The following SLC44A4 variants were observed in gnomAD, a reference collection of about 807,000 sequenced individuals.
SLC44A4 encodes the protein solute carrier family 44 member 4.
In SLC44A4, 74 loss-of-function variants were observed where a neutral mutation model predicts 97.0. That is an observed-to-expected ratio of 0.76 (90% confidence interval 0.63 to 0.93). The LOEUF is 0.93. Among genes scored for constraint, SLC44A4 ranks in the 40% least tolerant of loss-of-function variants. SLC44A4 has a pLI of 0.00. For missense variants in SLC44A4, 799 were observed against 902.9 expected (o/e 0.88, Z 1.48); for synonymous variants, 325 against 363.8 (o/e 0.89, Z 1.21).
At chr6:31,867,385 G>A (rs74290525) in intron 13 of SLC44A4, among the ~76,000 whole-genome samples, 5,176 of 151,820 alleles carry the variant, frequency 0.034, 251 homozygotes, top group Admixed American at 0.13. Context: ...GAGCCACTGC[G>A]CGCGGCCTTC....
chr6:31,871,959 A>G (rs1322608393), intron 7 of SLC44A4, among the ~76,000 whole-genome samples: 1 of 152,074 alleles, frequency 6.6e-6, no homozygotes, highest in Non-Finnish European at 1.5e-5. Flanking sequence ...CTCCCTGGCC[A>G]GGCTTCCAGG....
At chr6:31,868,220 C>A (rs1468936181) in intron 13 of SLC44A4, among the ~76,000 whole-genome samples, 3 of 152,200 alleles carry the variant, frequency 2.0e-5, no homozygotes, top group African/African-American at 7.2e-5. Context: ...AGTAAATTCC[C>A]AGCAGCCCAG....
intron 13 of SLC44A4, among the ~76,000 whole-genome samples, chr6:31,866,841 C>T (rs1762896880): frequency 6.6e-6 from 1 of 151,282 alleles, no homozygotes; most frequent in African/African-American, 2.4e-5. Flanking sequence ...TTGCAGTGGG[C>T]CGAGATCGCG....
Position 31,864,574 on chromosome 6 carries a change from A to C in SLC44A4, c.2011+78T>G, listed in dbSNP as rs550015587. The C allele has an allele frequency of 5.7e-5, 77 of 1,361,758 alleles. No homozygotes were observed. The South Asian group carries it at 8.6e-4, about 15-fold the overall frequency. The allele number at this position is 1,361,758 out of a possible 1,614,324, so 84.4% of individuals were successfully genotyped here. ...AAGGCATTGTTTCTAGAAGCACCAA[A>C]TCTCCAAAAAAAAAAAAAAATGCTT... On this transcript the variant is annotated intron_variant, in intron 20 of 20. Transcript: ENST00000229729.
At position 31,876,143 on chromosome 6, in the gene SLC44A4, G is replaced by C. The variant is rs374558664; in HGVS notation, c.90-14C>G. On this transcript the variant is annotated splice_polypyrimidine_tract_variant and intron_variant, in intron 2 of 20. Coordinates refer to ENST00000229729, the MANE Select transcript of SLC44A4 (RefSeq NM_025257.3). This position sits in a 1 kb window ranked among gnomAD's most constrained non-coding sequence, Gnocchi z 4.8. ...TCTGTGCAGCTTCTGAGAGAGAAAC[G>C]AAACGGGAGGCTGAGCTAAGGAGAC... The C allele has an allele frequency of 6.2e-7, 1 of 1,608,358 alleles. No individual in the cohort carries two copies. The highest frequency in any genetic ancestry group is 8.5e-7 in the Non-Finnish European group (1 of 1,176,216).
Position 31,863,713 on chromosome 6 carries a change from G to C in SLC44A4, c.2047C>G (p.Arg683Gly). Residue 683 changes from arginine to glycine, a missense_variant, in exon 21 of 21, where the codon CGG becomes GGG. By Grantham distance (125) the Arg-to-Gly change is moderately radical. This residue lies in a region of SLC44A4 where 379 missense variants were observed against 438.3 expected (regional missense o/e 0.86). Transcript: ENST00000229729. ...DLERNNGSLD[R>G]PYYMSKSLLK... ...AGGCTCTTGGACATGTAGTAGGGCC[G>C]GTCCAGGGAGCCGTTGTTCCGCTCC... The C allele has an allele frequency of 6.2e-7, 1 of 1,612,712 alleles. No individual in the cohort carries two copies. Among genetic ancestry groups the C allele is most frequent in the Non-Finnish European group, 8.5e-7 (1 of 1,179,932 alleles).
chr6:31,869,601 T>A lies in SLC44A4; in HGVS notation c.1074A>T (p.Pro358=), dbSNP rs1251710674. 1 of 1,606,864 alleles carries A rather than the reference T, an allele frequency of 6.2e-7. No individual in the cohort carries two copies. Among genetic ancestry groups the A allele is most frequent in the Admixed American group, 1.7e-5 (1 of 59,130 alleles). The change falls in exon 12 of 21, where the codon CCA becomes CCT. Residue 358 remains proline, a synonymous_variant. Transcript: ENST00000229729. ...VGQMMSTMFY[P]LVTFVLLLIC... is the part of the protein sequence containing the mutation. Reference sequence around the variant, plus strand: ...TGAGGAGGAGGACAAAGGTGACCAGTGGGTAGAACATGGTAGACATCATCT... The same window carrying A: ...TGAGGAGGAGGACAAAGGTGACCAGAGGGTAGAACATGGTAGACATCATCT...
chr6:31,873,128 G>T (rs1412791896), intron 7 of SLC44A4, among the ~76,000 whole-genome samples: 1 of 152,014 alleles, frequency 6.6e-6, no homozygotes, highest in Non-Finnish European at 1.5e-5. Context: ...GCCCGCCTCG[G>T]CCTCCCAAAG....
In SLC44A4 at chr6:31,877,115, GTC is replaced by G. The variant is rs769807146; in HGVS notation, c.41-35_41-34del. 16 of 1,598,358 alleles carry G rather than the reference GTC, an allele frequency of 1.0e-5. No individual in the cohort carries two copies. The highest frequency in any genetic ancestry group is 1.3e-5 in the African/African-American group (1 of 74,732). The stretch of plus-strand genomic sequence containing the variant: ...ACATGAGAAGAGGTGTGGAGGATGA[GTC>G]TCTCTCTGCATATCTTGTCCTGCTG... On this transcript the variant is annotated intron_variant, in intron 1 of 20. Transcript: ENST00000229729. This position sits in a 1 kb window ranked among gnomAD's most constrained non-coding sequence, Gnocchi z 6.5.
chr6:31,863,447 G>A lies in SLC44A4; in HGVS notation c.*180C>T, dbSNP rs1762658992. ...TCACCATGTTGGCCAGGCTGGTCTC[G>A]AACTCCTGACTCAGGTGATCCGCCC... On this transcript the variant is annotated 3_prime_UTR_variant, in exon 21 of 21. Coordinates refer to ENST00000229729, the MANE Select transcript of SLC44A4 (RefSeq NM_025257.3). The A allele has an allele frequency of 2.5e-6, 2 of 815,248 alleles. No individual in the cohort carries two copies. The highest frequency in any genetic ancestry group is 2.3e-5 in the South Asian group (1 of 43,822). The allele number at this position is 815,248 out of a possible 1,614,324, so 50.5% of individuals were successfully genotyped here. A position where few individuals can be genotyped will look rare whatever the true frequency, so the allele number is the denominator to read the frequency against.
At chr6:31,871,626 C>T (rs913799241) in intron 7 of SLC44A4, 65 bp from the exon 8 acceptor site, 3 of 1,253,440 alleles carry the variant, frequency 2.4e-6, no homozygotes, top group Non-Finnish European at 2.3e-6. Flanking sequence ...TCTCTGGCCC[C>T]CTCCCAGTCC....
chr6:31,872,285 G>A (rs1386475085), intron 7 of SLC44A4, among the ~76,000 whole-genome samples: 1 of 152,142 alleles, frequency 6.6e-6, no homozygotes, highest in Non-Finnish European at 1.5e-5. Context: ...ACCCAGGCTA[G>A]AGTGCAGCTG....
Position 31,877,127 on chromosome 6 carries a change from A to C in SLC44A4, c.41-45T>G. 1 of 1,585,076 alleles carries C rather than the reference A, an allele frequency of 6.3e-7. No individual in the cohort carries two copies. Among genetic ancestry groups the C allele is most frequent in the South Asian group, 1.1e-5 (1 of 87,518 alleles). ...GTGTGGAGGATGAGTCTCTCTCTGC[A>C]TATCTTGTCCTGCTGAGTCCTCCTA... On this transcript the variant is annotated intron_variant, in intron 1 of 20. Coordinates refer to ENST00000229729, the MANE Select transcript of SLC44A4 (RefSeq NM_025257.3). The surrounding 1 kb of genome is among the most constrained non-coding windows in gnomAD (Gnocchi z 6.5).
chr6:31,870,635 A>G lies in SLC44A4; in HGVS notation c.1005T>C (p.Arg335=). The G allele has an allele frequency of 6.2e-7, 1 of 1,607,660 alleles. No individual in the cohort carries two copies. Among genetic ancestry groups the G allele is most frequent in the Non-Finnish European group, 8.5e-7 (1 of 1,177,648 alleles). ...CCTCCTTCAGGAGGGCGATGGCAAT[A>G]CGAATCCGCTGCCGCAGGAAGATGA... is the stretch of plus-strand genomic sequence containing the variant. ...LMLIFLRQRI[R]IAIALLKEAS... is the part of the protein sequence containing the mutation. The change falls in exon 11 of 21, where the codon CGT becomes CGC. Residue 335 remains arginine, a synonymous_variant. Coordinates refer to ENST00000229729, the MANE Select transcript of SLC44A4 (RefSeq NM_025257.3).
rs1221518990 is a variant in SLC44A4 at position 31,870,595 on chromosome 6, G to A, written c.1037+8C>T. 1 of 1,586,794 alleles carries A rather than the reference G, an allele frequency of 6.3e-7. No homozygotes were observed. The highest frequency in any genetic ancestry group is 1.8e-5 in the Admixed American group (1 of 56,260). ...TCAACCCCATCTCCCTCCCAGGCAG[G>A]CCCTAACTTGCTGGCCTCCTTCAGG... On this transcript the variant is annotated splice_region_variant and intron_variant, in intron 11 of 20. Transcript: ENST00000229729.
At chr6:31,869,304 T>C in intron 12 of SLC44A4, 47 bp from the exon 13 acceptor site, 9 of 1,443,046 alleles carry the variant, frequency 6.2e-6, no homozygotes, top group Non-Finnish European at 8.6e-6. Context: ...TCTCCACAGG[T>C]CACTCGCTCC....
intron 18 of SLC44A4, 24 bp downstream of exon 18, chr6:31,864,986 T>C: frequency 6.2e-7 from 1 of 1,613,964 alleles, no homozygotes; most frequent in South Asian, 1.1e-5. Context: ...CTACCCTCTG[T>C]CCCCACAGCT....
intron 4 of SLC44A4, 94 bp from the exon 5 acceptor site, chr6:31,875,122 C>A (rs1349316131): frequency 5.0e-6 from 5 of 994,236 alleles, no homozygotes; most frequent in Non-Finnish European, 7.8e-6. Flanking sequence ...ATACAGTGGG[C>A]CCAGCCCAGC....
chr6:31,866,730 T>A (rs1318781697), intron 13 of SLC44A4, among the ~76,000 whole-genome samples: 1 of 152,030 alleles, frequency 6.6e-6, no homozygotes, highest in Non-Finnish European at 1.5e-5. Context: ...CCATCTCTAC[T>A]GAAAATACAA....
Sources: gnomAD v4.1 joint callset for allele counts (sites outside exome capture counted in the v4.1 genomes callset) on GRCh38, gnomAD v4.1.1 for gene constraint, gnomAD v4.1.1 regional missense constraint, Gnocchi (gnomAD v3.1) non-coding constraint, MANE v1.5 for transcripts, NCBI Gene and HGNC (gene_info 2026-07-23, HGNC 2026-07-21) for gene names.